Variants in ROBO2 observed in about 807,000 individuals in gnomAD.
The protein encoded by ROBO2 is roundabout guidance receptor 2, also known as roundabout homolog 2.
A neutral mutation model predicts 160.8 loss-of-function variants in ROBO2; 53 were observed. The observed-to-expected ratio is 0.33, with a 90% CI of 0.26 to 0.41. The LOEUF (loss-of-function observed/expected upper bound fraction) is 0.41, where lower values mean the gene tolerates loss of function less well. Among genes scored for constraint, ROBO2 ranks in the 10% least tolerant of loss-of-function variants. The pLI, the probability that ROBO2 is intolerant of heterozygous loss-of-function variation, is 1.00. For missense variants in ROBO2, 1,577 were observed against 1,722.4 expected, an observed-to-expected ratio of 0.92 and a Z score of 1.49; for synonymous variants, 664 against 611.7, an observed-to-expected ratio of 1.09 and a Z score of -1.26.
intron 2 of ROBO2, among the ~76,000 whole-genome samples, chr3:77,227,966 A>G (rs369421051): frequency 2.9e-4 from 44 of 152,336 alleles, no homozygotes; most frequent in Middle Eastern, 6.8e-3. Flanking sequence ...GCAGATGTTT[A>G]TGGGTGCAGA....
At chr3:76,445,343 A>C (rs747284344) in intron 2 of ROBO2, among the ~76,000 whole-genome samples, 22 of 152,214 alleles carry the variant, frequency 1.4e-4, no homozygotes, top group Non-Finnish European at 2.5e-4. Context: ...ATTGAGAGGG[A>C]AAGTAAACAC....
intron 2 of ROBO2, among the ~76,000 whole-genome samples, chr3:76,848,406 C>G (rs985836233): frequency 6.6e-6 from 1 of 152,124 alleles, no homozygotes; most frequent in Non-Finnish European, 1.5e-5. Context: ...GGACTTCAAG[C>G]TACCAGCGTG....
chr3:77,043,475 T>G (rs2064302419), intron 1 of ROBO2, among the ~76,000 whole-genome samples: 1 of 152,214 alleles, frequency 6.6e-6, no homozygotes, highest in Admixed American at 6.5e-5. Flanking sequence ...ATATTATTTA[T>G]AATTTTTCAG....
At chr3:76,607,223 C>T (rs2087733594) in intron 2 of ROBO2, among the ~76,000 whole-genome samples, 1 of 152,000 alleles carries the variant, frequency 6.6e-6, no homozygotes, top group Admixed American at 6.6e-5. Flanking sequence ...ATCCTCTTGC[C>T]TCAGCCTCCT....
chr3:77,359,439 G>A (rs2069607789), intron 2 of ROBO2, among the ~76,000 whole-genome samples: 1 of 152,092 alleles, frequency 6.6e-6, no homozygotes, highest in Non-Finnish European at 1.5e-5. Context: ...GAAAGCATCC[G>A]TTTTGAAAAA....
chr3:77,516,421 T>C (rs2090026278), intron 5 of ROBO2, among the ~76,000 whole-genome samples: 1 of 151,622 alleles, frequency 6.6e-6, no homozygotes, highest in Non-Finnish European at 1.5e-5. Context: ...TCATAAGACA[T>C]GTGACTTGAA....
chr3:76,043,797 T>C (rs1242415721), intron 2 of ROBO2, among the ~76,000 whole-genome samples: 3 of 151,912 alleles, frequency 2.0e-5, no homozygotes, highest in Non-Finnish European at 4.4e-5. Context: ...ATGGAGTTAA[T>C]ATCAAGGAGC....
chr3:77,542,597 C>T (rs920937014), intron 6 of ROBO2, among the ~76,000 whole-genome samples: 1 of 152,004 alleles, frequency 6.6e-6, no homozygotes, highest in Non-Finnish European at 1.5e-5. Flanking sequence ...TTAAAATAAT[C>T]CAGTATTGGG....
intron 2 of ROBO2, among the ~76,000 whole-genome samples, chr3:76,330,399 G>A (rs2073392597): frequency 6.6e-6 from 1 of 152,170 alleles, no homozygotes; most frequent in Non-Finnish European, 1.5e-5. Flanking sequence ...TATCATGCCT[G>A]CATGAGTATT....
intron 2 of ROBO2, among the ~76,000 whole-genome samples, chr3:76,828,457 C>A (rs1016508482): frequency 6.6e-6 from 1 of 152,078 alleles, no homozygotes; most frequent in African/African-American, 2.4e-5. Context: ...ACTCTTAGCA[C>A]AAACTTAATG....
chr3:76,412,451 A>G (rs187014845), intron 2 of ROBO2, among the ~76,000 whole-genome samples: 218 of 152,334 alleles, frequency 1.4e-3, no homozygotes, highest in African/African-American at 4.6e-3. Context: ...CCAAATGTTC[A>G]TCTGGGACAA....
intron 2 of ROBO2, among the ~76,000 whole-genome samples, chr3:76,065,963 T>G (rs1450560034): frequency 6.7e-6 from 1 of 149,340 alleles, no homozygotes; most frequent in Non-Finnish European, 1.5e-5. Flanking sequence ...ACAGCTGCTC[T>G]TAATTGAACC....
At chr3:77,112,414 T>C (rs1193236363) in intron 2 of ROBO2, among the ~76,000 whole-genome samples, 1 of 151,782 alleles carries the variant, frequency 6.6e-6, no homozygotes, top group Non-Finnish European at 1.5e-5. Flanking sequence ...TGGGTAATTT[T>C]TGTATTTTTA....
intron 2 of ROBO2, among the ~76,000 whole-genome samples, chr3:76,942,314 A>G (rs1047754084): frequency 7.2e-5 from 11 of 152,180 alleles, no homozygotes; most frequent in African/African-American, 2.4e-4. Flanking sequence ...AGCACACCTC[A>G]CTTTTACAAG....
At chr3:76,251,893 G>T (rs1233872203) in intron 2 of ROBO2, among the ~76,000 whole-genome samples, 41 of 151,956 alleles carry the variant, frequency 2.7e-4, no homozygotes, top group Non-Finnish European at 1.6e-4. Context: ...ACCATTATAG[G>T]CCCCAGTGAA....
chr3:77,458,674 T>C (rs1050407468), intron 2 of ROBO2, among the ~76,000 whole-genome samples: 3 of 152,058 alleles, frequency 2.0e-5, no homozygotes, highest in African/African-American at 7.2e-5. Context: ...AGTGTCATCA[T>C]GAATTTTGAA....
At chr3:76,725,847 C>T (rs552660197) in intron 2 of ROBO2, among the ~76,000 whole-genome samples, 7 of 152,138 alleles carry the variant, frequency 4.6e-5, no homozygotes, top group Non-Finnish European at 8.8e-5. Context: ...AATGAGCCTT[C>T]GGAATCTTTC....
At chr3:76,055,081 C>T (rs372300134) in intron 2 of ROBO2, among the ~76,000 whole-genome samples, 14 of 152,158 alleles carry the variant, frequency 9.2e-5, no homozygotes, top group South Asian at 2.1e-4. Context: ...TGGCTGAAGG[C>T]GAATGAGGAG....
intron 2 of ROBO2, among the ~76,000 whole-genome samples, chr3:76,761,716 T>C (rs1254987761): frequency 1.3e-5 from 2 of 151,736 alleles, no homozygotes; most frequent in Non-Finnish European, 2.9e-5. Context: ...TGGTTAAAGT[T>C]GTGACTTTGT....
Sources: gnomAD v4.1 joint callset for allele counts (sites outside exome capture counted in the v4.1 genomes callset) on GRCh38, gnomAD v4.1.1 for gene constraint, MANE v1.5 for transcripts, NCBI Gene and HGNC (gene_info 2026-07-23, HGNC 2026-07-21) for gene names.